The following CCNJL variants were observed in gnomAD, a reference collection of about 807,000 sequenced individuals.
The protein encoded by CCNJL is cyclin J like, also known as cyclin-J-like protein.
CCNJL carries 33 observed loss-of-function variants against 33.4 expected under a neutral mutation model. That is an observed-to-expected ratio of 0.99 (90% CI 0.75 to 1.32). The LOEUF (loss-of-function observed/expected upper bound fraction) is 1.32, where lower values mean the gene tolerates loss of function less well. Among genes scored for constraint, CCNJL ranks in the 40% most tolerant of loss-of-function variants. The pLI, the probability that CCNJL is intolerant of heterozygous loss-of-function variation, is 0.00. For synonymous variants in CCNJL, 227 were observed against 220.9 expected (o/e 1.03, Z -0.24); for missense variants, 512 against 499.7 (o/e 1.02, Z -0.23).
At chr5:160,329,702 A>G (rs1763583320) in intron 1 of CCNJL, among the ~76,000 whole-genome samples, 1 of 151,758 alleles carries the variant, frequency 6.6e-6, no homozygotes, top group African/African-American at 2.4e-5. Context: ...CTGCTTTTTG[A>G]TCCTTGTTTC....
At chr5:160,311,771 C>A (rs1763267013) in intron 2 of CCNJL, 87 bp downstream of exon 2, 1 of 1,295,508 alleles carries the variant, frequency 7.7e-7, no homozygotes, top group Admixed American at 1.7e-5. Flanking sequence ...GTTCTGAGTT[C>A]CCACGCAGGC....
intron 2 of CCNJL, among the ~76,000 whole-genome samples, chr5:160,295,565 G>C (rs1306292765): frequency 6.6e-6 from 1 of 152,152 alleles, no homozygotes; most frequent in Non-Finnish European, 1.5e-5. Context: ...GATCAGGATA[G>C]GCGCTAATCA....
intron 2 of CCNJL, among the ~76,000 whole-genome samples, chr5:160,288,171 C>T (rs907564361): frequency 7.2e-5 from 11 of 152,058 alleles, no homozygotes; most frequent in Admixed American, 2.0e-4. Flanking sequence ...AGAAAAGATA[C>T]ATCAAAATAT....
intron 4 of CCNJL, among the ~76,000 whole-genome samples, chr5:160,256,282 A>C (rs931932983): frequency 6.6e-6 from 1 of 152,220 alleles, no homozygotes; most frequent in African/African-American, 2.4e-5. Flanking sequence ...GATGTTCTAC[A>C]AATAGAACTG....
intron 2 of CCNJL, among the ~76,000 whole-genome samples, chr5:160,282,970 T>TATATATAC (rs1762266364): frequency 3.2e-4 from 13 of 41,110 alleles, no homozygotes; most frequent in African/African-American, 5.6e-4. Context: ...CCTTGGAATA[T>TATATATAC]ATATATATAT....
intron 3 of CCNJL, among the ~76,000 whole-genome samples, chr5:160,265,438 C>G (rs1761536713): frequency 6.6e-6 from 1 of 152,122 alleles, no homozygotes; most frequent in African/African-American, 2.4e-5. Context: ...AAGTTCAAGA[C>G]CAGCCTGTCC....
chr5:160,267,618 A>C (rs920580368), intron 3 of CCNJL, among the ~76,000 whole-genome samples: 4 of 152,220 alleles, frequency 2.6e-5, no homozygotes, highest in Admixed American at 6.5e-5. Context: ...TAATAAGTGT[A>C]TCTATCTGGG....
In CCNJL at chr5:160,251,742, T is replaced by A. The variant is rs1279259765; in HGVS notation, c.*1636A>T. On this transcript the variant is annotated 3_prime_UTR_variant, in exon 6 of 6. Coordinates refer to ENST00000257536, the MANE Select transcript of CCNJL (RefSeq NM_001308173.3). ...TGAGGGAACCCTCACAATCCCCAGG[T>A]CCCAGAACAGACAGATACAAGAACT... 2 of 151,984 alleles carry A rather than the reference T, an allele frequency of 1.3e-5. No homozygotes were observed. Among genetic ancestry groups the A allele is most frequent in the African/African-American group, 4.8e-5 (2 of 41,324 alleles). The allele number at this position is 151,984 out of a possible 1,614,324, so 9.4% of individuals were successfully genotyped here.
chr5:160,294,410 C>T (rs1394647916), intron 2 of CCNJL, among the ~76,000 whole-genome samples: 1 of 152,178 alleles, frequency 6.6e-6, no homozygotes, highest in Non-Finnish European at 1.5e-5. Flanking sequence ...ACCCAGGCAC[C>T]ACATCCGCAG....
chr5:160,253,879 T>A (rs1016934604), intron 5 of CCNJL, 81 bp from the exon 6 acceptor site: 3 of 1,159,990 alleles, frequency 2.6e-6, no homozygotes, highest in Non-Finnish European at 2.4e-6. Context: ...TCTTGCTAAG[T>A]GGGACTGGAA....
At chr5:160,276,402 C>T (rs1181919261) in intron 3 of CCNJL, 5 of 140,184 alleles carry the variant, frequency 3.6e-5, no homozygotes, top group East Asian at 2.0e-4. Context: ...GCGATAAGAG[C>T]GAAACTCCGT....
chr5:160,253,339 C>G lies in CCNJL; in HGVS notation c.*39G>C. The G allele has an allele frequency of 6.5e-7, 1 of 1,534,856 alleles. No homozygotes were observed. ...CCTCTTCAGTGTCCTCTTCCTCTGCCCACATCTCCAAGGCTTCCTCGTGAG... is the reference window on the plus strand; with the variant it reads ...CCTCTTCAGTGTCCTCTTCCTCTGCGCACATCTCCAAGGCTTCCTCGTGAG... On this transcript the variant is annotated 3_prime_UTR_variant, in exon 6 of 6. Coordinates refer to ENST00000257536, the MANE Select transcript of CCNJL (RefSeq NM_001308173.3).
intron 1 of CCNJL, among the ~76,000 whole-genome samples, chr5:160,333,413 C>T (rs968289624): frequency 5.3e-5 from 8 of 151,816 alleles, no homozygotes; most frequent in Non-Finnish European, 1.2e-4. Context: ...CATGAGCCAC[C>T]GTGCCCAGCC....
At chr5:160,259,435 G>GT in intron 4 of CCNJL, 34 bp downstream of exon 4, 1 of 1,580,436 alleles carries the variant, frequency 6.3e-7, no homozygotes, top group Non-Finnish European at 8.6e-7. Flanking sequence ...TGGGGAAGGG[G>GT]TGGGAGGTCC....
intron 2 of CCNJL, among the ~76,000 whole-genome samples, chr5:160,298,819 A>AT (rs1018640483): frequency 2.6e-5 from 4 of 152,216 alleles, no homozygotes; most frequent in Non-Finnish European, 5.9e-5. Flanking sequence ...AAATGACAGT[A>AT]TGAGGAGGTA....
intron 2 of CCNJL, 153 bp from the exon 3 acceptor site, chr5:160,280,891 C>A: frequency 1.4e-6 from 1 of 707,318 alleles, no homozygotes; most frequent in Non-Finnish European, 2.6e-6. Flanking sequence ...ATGGCAGCCC[C>A]GCCTGGGCTA....
intron 1 of CCNJL, among the ~76,000 whole-genome samples, chr5:160,325,718 T>A (rs1429512996): frequency 1.3e-5 from 2 of 152,188 alleles, no homozygotes; most frequent in Non-Finnish European, 2.9e-5. Context: ...ATTTTCAGAA[T>A]TGGGATTTTT....
At chr5:160,263,644 A>G (rs1761443714) in intron 3 of CCNJL, among the ~76,000 whole-genome samples, 1 of 152,202 alleles carries the variant, frequency 6.6e-6, no homozygotes, top group Non-Finnish European at 1.5e-5. Flanking sequence ...AGGAAACGTC[A>G]CTTTGTCCTG....
intron 1 of CCNJL, among the ~76,000 whole-genome samples, chr5:160,322,788 A>C (rs1763487621): frequency 6.6e-6 from 1 of 151,344 alleles, no homozygotes; most frequent in African/African-American, 2.4e-5. Context: ...GCGCACCTGT[A>C]GTCCCAGCTA....
Sources: allele counts gnomAD v4.1 joint callset (sites outside exome capture counted in the v4.1 genomes callset), GRCh38; gene constraint gnomAD v4.1.1; transcripts MANE v1.5; gene names NCBI Gene and HGNC (gene_info 2026-07-23, HGNC 2026-07-21).